The following GADL1 variants were observed in gnomAD, a reference collection of about 807,000 sequenced individuals.
GADL1 encodes GAD like acidic amino acid decarboxylase 1, also known as acidic amino acid decarboxylase GADL1.
In GADL1, 71 loss-of-function variants were observed where a neutral mutation model predicts 69.5. The ratio of observed to expected loss-of-function variants is 1.02; its 90% CI spans 0.84 to 1.25. The LOEUF (loss-of-function observed/expected upper bound fraction) is 1.25, where lower values mean the gene tolerates loss of function less well. Ranked by LOEUF, GADL1 falls within the 50% of genes most tolerant of loss-of-function variation. The pLI is 0.00. For synonymous variants in GADL1, 254 were observed against 214.4 expected, an observed-to-expected ratio of 1.18 and a Z score of -1.62; for missense variants, 737 against 631.8, an observed-to-expected ratio of 1.17 and a Z score of -1.79.
intron 1 of GADL1, among the ~76,000 whole-genome samples, chr3:30,875,460 C>G (rs1450577532): frequency 1.3e-5 from 2 of 151,826 alleles, no homozygotes; most frequent in Non-Finnish European, 2.9e-5. Flanking sequence ...TGTGTCTTGT[C>G]TATAGGCAGA....
At chr3:30,855,666 T>C (rs1698219105) in intron 3 of GADL1, among the ~76,000 whole-genome samples, 1 of 152,028 alleles carries the variant, frequency 6.6e-6, no homozygotes, top group Non-Finnish European at 1.5e-5. Context: ...ACCATGTGAA[T>C]AATCACACCA....
At chr3:30,833,064 A>G (rs1426455876) in intron 11 of GADL1, among the ~76,000 whole-genome samples, 1 of 152,076 alleles carries the variant, frequency 6.6e-6, no homozygotes, top group Admixed American at 6.6e-5. Context: ...ACAGAAAATG[A>G]CTTTAACATT....
At chr3:30,758,267 C>T (rs1027232660) in intron 14 of GADL1, among the ~76,000 whole-genome samples, 1 of 152,210 alleles carries the variant, frequency 6.6e-6, no homozygotes, top group East Asian at 1.9e-4. Flanking sequence ...TTAGTGAACA[C>T]CTTTGACAGC....
intron 14 of GADL1, among the ~76,000 whole-genome samples, chr3:30,761,956 A>G (rs1177705704): frequency 6.6e-6 from 1 of 151,996 alleles, no homozygotes; most frequent in Non-Finnish European, 1.5e-5. Flanking sequence ...GGGCCGTGGG[A>G]GTGAGAATCT....
chr3:30,820,698 A>G lies in GADL1; in HGVS notation c.1050+13155T>C, dbSNP rs182850631. Among the ~76,000 whole-genome samples, 1,046 of 152,254 alleles carry G rather than the reference A, an allele frequency of 6.9e-3. 9 individuals are homozygous for G. The highest frequency in any genetic ancestry group is 0.024 in the African/African-American group (986 of 41,558). On this transcript the variant is annotated intron_variant, in intron 11 of 14. Transcript: ENST00000282538. ...CAGGTGCTAGAGAGGATGTGAAGAAATAGGAACACTTTTACACTGTTGGTG... is the reference window on the plus strand; with the variant it reads ...CAGGTGCTAGAGAGGATGTGAAGAAGTAGGAACACTTTTACACTGTTGGTG...
chr3:30,763,928 C>T (rs1403582346), intron 14 of GADL1, among the ~76,000 whole-genome samples: 1 of 151,934 alleles, frequency 6.6e-6, no homozygotes, highest in Non-Finnish European at 1.5e-5. Context: ...TATAAATTCT[C>T]TTGATAATAA....
intron 11 of GADL1, among the ~76,000 whole-genome samples, chr3:30,830,270 A>G (rs1697766237): frequency 6.6e-6 from 1 of 151,904 alleles, no homozygotes; most frequent in East Asian, 1.9e-4. Flanking sequence ...CTGCCAGCTT[A>G]TGACCATACT....
Position 30,854,737 on chromosome 3 carries a change from C to T in GADL1, c.390G>A (p.Leu130=). Residue 130 remains leucine (L), a synonymous_variant, in exon 4 of 15, where the codon TTG becomes TTA. Transcript: ENST00000282538. ...ATGCTTCGGTCATAAATCGGGCCAC[C>T]AAGGAGTAATAATCAAGTCCAGCAT... ...QLYAGLDYYS[L]VARFMTEALN... 1.3e-6 allele frequency: 2 copies of T among 1,549,546 alleles called. No individual in the cohort carries two copies.
rs12635257 is a variant in GADL1 at position 30,813,413 on chromosome 3, A to G, written c.1051-12325T>C. On this transcript the variant is annotated intron_variant, in intron 11 of 14. Transcript: ENST00000282538. Reference sequence around the variant, plus strand: ...AGAAATGTTCTCTTTCAAACTGGACAAAACAGACACAGAGTGAGTGTTCTG... The same window carrying G: ...AGAAATGTTCTCTTTCAAACTGGACGAAACAGACACAGAGTGAGTGTTCTG... Among the ~76,000 whole-genome samples the G allele has an allele frequency of 9.8e-4, 149 of 152,300 alleles. 2 individuals are homozygous for G. The East Asian group carries it at 0.026, about 27-fold the overall frequency.
chr3:30,732,313 T>G (rs1470117868), intron 14 of GADL1, among the ~76,000 whole-genome samples: 2 of 152,194 alleles, frequency 1.3e-5, no homozygotes, highest in Non-Finnish European at 2.9e-5. Flanking sequence ...GCTTTCCAGC[T>G]CTCAATTATT....
At chr3:30,775,330 G>C (rs1696511667) in intron 14 of GADL1, among the ~76,000 whole-genome samples, 1 of 152,198 alleles carries the variant, frequency 6.6e-6, no homozygotes. Flanking sequence ...AGCCTTATTT[G>C]ATTTGTGATT....
At chr3:30,735,415 T>A (rs1695528076) in intron 14 of GADL1, among the ~76,000 whole-genome samples, 1 of 152,144 alleles carries the variant, frequency 6.6e-6, no homozygotes, top group Non-Finnish European at 1.5e-5. Flanking sequence ...ACAGAATGGA[T>A]AAACAAAACT....
intron 6 of GADL1, among the ~76,000 whole-genome samples, chr3:30,848,648 A>G (rs183289447): frequency 4.2e-4 from 64 of 152,304 alleles, no homozygotes; most frequent in Non-Finnish European, 6.2e-4. Flanking sequence ...GAATCACACA[A>G]GAATAGGAAA....
In GADL1 at chr3:30,754,410, A is replaced by G. The variant is rs544142768; in HGVS notation, c.1392+23769T>C. 2.2e-4 allele frequency among the ~76,000 whole-genome samples: 33 copies of G among 152,294 alleles called. No homozygotes were observed. In the South Asian group the frequency reaches 6.2e-3, roughly 29 times the overall value. ...ACATTCTGATAGGATATATTCAACC[A>G]TAAGCCTTAAAAGCATGAATCCTAA... is the stretch of plus-strand genomic sequence containing the variant. On this transcript the variant is annotated intron_variant, in intron 14 of 14. Coordinates refer to ENST00000282538, the MANE Select transcript of GADL1 (RefSeq NM_207359.3).
intron 8 of GADL1, among the ~76,000 whole-genome samples, chr3:30,839,487 T>C (rs1480723720): frequency 1.5e-5 from 2 of 131,244 alleles, no homozygotes; most frequent in Non-Finnish European, 3.0e-5. Context: ...ACATTTAGCC[T>C]CCATTGTGCC....
intron 1 of GADL1, among the ~76,000 whole-genome samples, chr3:30,887,932 T>A (rs1441743431): frequency 6.6e-6 from 1 of 152,110 alleles, no homozygotes; most frequent in Non-Finnish European, 1.5e-5. Context: ...TGGTTTCAGG[T>A]CCCCTATGGA....
At chr3:30,818,788 T>A (rs1697519642) in intron 11 of GADL1, among the ~76,000 whole-genome samples, 1 of 152,164 alleles carries the variant, frequency 6.6e-6, no homozygotes, top group African/African-American at 2.4e-5. Context: ...CTTGTCCAAT[T>A]TGGTCACTGC....
intron 1 of GADL1, among the ~76,000 whole-genome samples, chr3:30,875,557 A>T (rs1360507808): frequency 6.6e-6 from 1 of 151,938 alleles, no homozygotes; most frequent in Non-Finnish European, 1.5e-5. Context: ...TACAATAGTC[A>T]TGCAGGCCAG....
Position 30,780,765 on chromosome 3 carries a change from G to T in GADL1, c.1303-2497C>A, listed in dbSNP as rs1485360841. ...ACTTTTAGAATGGAATGGCTTCAGT[G>T]CTACAACATTTGAAAGCTTATAAAG... On this transcript the variant is annotated intron_variant, in intron 13 of 14. Coordinates refer to ENST00000282538, the MANE Select transcript of GADL1 (RefSeq NM_207359.3). Among the ~76,000 whole-genome samples, 3 of 152,292 alleles carry T rather than the reference G, an allele frequency of 2.0e-5. 1 individual carries two copies. Among genetic ancestry groups the T allele is most frequent in the Admixed American group, 6.5e-5 (1 of 15,296 alleles).
Sources: gnomAD v4.1 joint callset for allele counts (sites outside exome capture counted in the v4.1 genomes callset) on GRCh38, gnomAD v4.1.1 for gene constraint, MANE v1.5 for transcripts, NCBI Gene and HGNC (gene_info 2026-07-23, HGNC 2026-07-21) for gene names.